RPF2: variants seen among roughly 807,000 people sequenced by gnomAD.
The protein encoded by RPF2 is brix domain containing 1.
RPF2 carries 21 observed loss-of-function variants against 38.9 expected under a neutral mutation model. The observed-to-expected ratio is 0.54, with a 90% CI of 0.38 to 0.78. The LOEUF (loss-of-function observed/expected upper bound fraction) is 0.78, where lower values mean the gene tolerates loss of function less well. RPF2 is among the 30% of genes least tolerant of loss of function. The probability of loss-of-function intolerance (pLI) is 0.00; values close to 1 mark genes in which losing one functional copy is unlikely to be tolerated. For synonymous variants in RPF2, 121 were observed against 126.2 expected (o/e 0.96, Z 0.28); for missense variants, 314 against 358.1 (o/e 0.88, Z 0.99).
intron 8 of RPF2, among the ~76,000 whole-genome samples, chr6:111,018,302 T>C (rs929270175): frequency 2.0e-5 from 3 of 152,182 alleles, no homozygotes; most frequent in African/African-American, 4.8e-5. Context: ...TGGTACTGGC[T>C]GACAGAGCCC....
rs753170530 is a variant in RPF2, at chr6:110,999,782, A to G, written c.388A>G (p.Ile130Val). 6.5e-7 allele frequency: 1 copy of G among 1,538,432 alleles called. No homozygotes were observed. Among genetic ancestry groups the G allele is most frequent in the Non-Finnish European group, 9.0e-7 (1 of 1,111,460 alleles). The change falls in exon 6 of 10, where the codon ATT becomes GTT. Residue 130 changes from isoleucine to valine, a missense_variant. Coordinates refer to ENST00000441448, the MANE Select transcript of RPF2 (RefSeq NM_032194.3). ...GIENFVSLKD[I>V]KNSKCPEGTK... is the part of the protein sequence containing the mutation. ...TGAGAATTTTGTCTCTCTAAAAGAC[A>G]TTAAGGTAAGATACTCATAGAAATG...
At chr6:110,991,663 C>A in intron 3 of RPF2, 84 bp from the exon 4 acceptor site, 1 of 473,270 alleles carries the variant, frequency 2.1e-6, no homozygotes, top group Non-Finnish European at 3.8e-6. Context: ...ATTGTTTTAT[C>A]ATCTGAATAT....
At chr6:110,997,744 CAAAGGAAGTA>C (rs937155390) in intron 5 of RPF2, among the ~76,000 whole-genome samples, 2 of 151,984 alleles carry the variant, frequency 1.3e-5, no homozygotes, top group Non-Finnish European at 2.9e-5. Flanking sequence ...AGAGCAGGAA[CAAAGGAAGTA>C]AAAGGAAGTG....
chr6:111,020,370 G>T (rs940128616), intron 8 of RPF2, among the ~76,000 whole-genome samples: 2 of 152,060 alleles, frequency 1.3e-5, no homozygotes, highest in African/African-American at 4.8e-5. Context: ...AACATAGAGG[G>T]GATACAAGGG....
At chr6:111,017,462 G>A (rs945833607) in intron 8 of RPF2, among the ~76,000 whole-genome samples, 8 of 151,216 alleles carry the variant, frequency 5.3e-5, no homozygotes, top group Non-Finnish European at 7.4e-5. Context: ...CAGACGGGGC[G>A]GCTGCCGGGC....
intron 8 of RPF2, 73 bp downstream of exon 8, chr6:111,015,929 G>T: frequency 8.8e-7 from 1 of 1,138,186 alleles, no homozygotes. Context: ...GTTTTTTAGA[G>T]CCCAAACTTA....
At chr6:111,022,375 G>A (rs1772249205) in intron 8 of RPF2, among the ~76,000 whole-genome samples, 1 of 152,152 alleles carries the variant, frequency 6.6e-6, no homozygotes. Context: ...ACCAGCTTGA[G>A]CCCATCTGAG....
intron 9 of RPF2, 40 bp from the exon 10 acceptor site, chr6:111,025,363 G>T (rs752790118): frequency 7.1e-7 from 1 of 1,399,698 alleles, no homozygotes; most frequent in Non-Finnish European, 1.0e-6. Flanking sequence ...GCTCATTATA[G>T]TAGAAGGCCA....
chr6:111,004,485 A>G (rs1771874268), intron 6 of RPF2, among the ~76,000 whole-genome samples: 1 of 150,696 alleles, frequency 6.6e-6, no homozygotes, highest in Non-Finnish European at 1.5e-5. Flanking sequence ...CCCGGCCGTG[A>G]CTAGTATTTT....
intron 4 of RPF2, among the ~76,000 whole-genome samples, chr6:110,993,642 A>C (rs759525484): frequency 2.0e-4 from 31 of 152,132 alleles, no homozygotes; most frequent in Non-Finnish European, 3.5e-4. Context: ...GTAGCATTTG[A>C]GCTTTTTTAG....
intron 3 of RPF2, 32 bp downstream of exon 3, chr6:110,989,097 A>G (rs1198055034): frequency 6.7e-7 from 1 of 1,497,838 alleles, no homozygotes; most frequent in African/African-American, 1.5e-5. Context: ...TGTATTTTAA[A>G]TGATTTTGTT....
Position 111,013,030 on chromosome 6 carries a change from C to T in RPF2, c.494-2724C>T, listed in dbSNP as rs1196433235. ...TTATCAAGTTCATAAAGTTATTTATCATACTTCTTGGTCAAAATCCTAACA... is the reference window on the plus strand; with the variant it reads ...TTATCAAGTTCATAAAGTTATTTATTATACTTCTTGGTCAAAATCCTAACA... On this transcript the variant is annotated intron_variant, in intron 7 of 9. Coordinates refer to ENST00000441448, the MANE Select transcript of RPF2 (RefSeq NM_032194.3). Among the ~76,000 whole-genome samples, 3 of 152,174 alleles carry T rather than the reference C, an allele frequency of 2.0e-5. No homozygotes were observed. The East Asian group carries it at 5.8e-4, about 29-fold the overall frequency.
In RPF2 at chr6:111,026,485, GGT is replaced by G. The variant is rs995732466; in HGVS notation, c.*904_*905del. On this transcript the variant is annotated 3_prime_UTR_variant, in exon 10 of 10. Coordinates refer to ENST00000441448, the MANE Select transcript of RPF2 (RefSeq NM_032194.3). ...CTGAGCAGCCGGAACTACAGATGTT[GGT>G]CCACTGCACCTGGCAGAAAAGAAGT... The G allele has an allele frequency of 6.6e-6, 1 of 152,248 alleles. No homozygotes were observed. Among genetic ancestry groups the G allele is most frequent in the African/African-American group, 2.4e-5 (1 of 41,406 alleles). 9.4% of individuals were successfully genotyped at this position (152,248 alleles called of 1,614,324 possible). A position where few individuals can be genotyped will look rare whatever the true frequency, so the allele number is the denominator to read the frequency against.
Position 111,027,116 on chromosome 6 carries a change from T to C in RPF2, c.*1534T>C, listed in dbSNP as rs1772345899. The C allele has an allele frequency of 6.6e-6, 1 of 152,176 alleles. No homozygotes were observed. The highest frequency in any genetic ancestry group is 1.5e-5 in the Non-Finnish European group (1 of 68,038). 9.4% of individuals were successfully genotyped at this position (152,176 alleles called of 1,614,324 possible). A position where few individuals can be genotyped will look rare whatever the true frequency, so the allele number is the denominator to read the frequency against. On this transcript the variant is annotated 3_prime_UTR_variant, in exon 10 of 10. Transcript: ENST00000441448. ...CCGTGCCTGTGTATACATGCCTTTA[T>C]GTAAGCTTGCTCAGCTACAGATCAA...
intron 8 of RPF2, among the ~76,000 whole-genome samples, chr6:111,019,719 C>G (rs896519920): frequency 2.6e-5 from 4 of 152,074 alleles, no homozygotes; most frequent in African/African-American, 9.7e-5. Context: ...GAGTGAAACT[C>G]CATCTCAGAC....
chr6:110,982,296 G>C, intron 1 of RPF2, 167 bp downstream of exon 1: 2 of 721,940 alleles, frequency 2.8e-6, no homozygotes, highest in South Asian at 1.7e-5. Context: ...TGCTTGCCAG[G>C]AGACAGTGGG....
In RPF2 at chr6:111,013,655, T is replaced by C. The variant is rs1189597727; in HGVS notation, c.494-2099T>C. 2.0e-5 allele frequency among the ~76,000 whole-genome samples: 3 copies of C among 152,212 alleles called. No individual in the cohort carries two copies. In the East Asian group the frequency reaches 5.8e-4, roughly 29 times the overall value. ...TGAAAATTTTGCATTATGAAAGTTG[T>C]TTCAGAGCAGACTGGAATGTACATA... On this transcript the variant is annotated intron_variant, in intron 7 of 9. Coordinates refer to ENST00000441448, the MANE Select transcript of RPF2 (RefSeq NM_032194.3).
Position 111,023,323 on chromosome 6 carries a change from T to C in RPF2, c.597-860T>C, listed in dbSNP as rs577921383. Among the ~76,000 whole-genome samples the C allele has an allele frequency of 2.0e-5, 3 of 152,358 alleles. No homozygotes were observed. The East Asian group carries it at 5.8e-4, about 29-fold the overall frequency. On this transcript the variant is annotated intron_variant, in intron 8 of 9. Transcript: ENST00000441448. ...GTTTTGTTATTTTAAGATTTTAAAG[T>C]TCACTTCAATGTAAGGAAGTTAGTA...
chr6:111,025,286 T>G, intron 9 of RPF2, 117 bp from the exon 10 acceptor site: 1 of 649,138 alleles, frequency 1.5e-6, no homozygotes, highest in South Asian at 2.0e-5. Context: ...ATATACTGTG[T>G]CACTGAAGGG....
Sources: allele counts gnomAD v4.1 joint callset (sites outside exome capture counted in the v4.1 genomes callset), GRCh38; gene constraint gnomAD v4.1.1; transcripts MANE v1.5; gene names NCBI Gene and HGNC (gene_info 2026-07-23, HGNC 2026-07-21).